LTBP2: variants seen among roughly 807,000 people sequenced by gnomAD.
The protein encoded by LTBP2 is latent-transforming growth factor beta-binding protein 2.
A neutral mutation model predicts 210.6 loss-of-function variants in LTBP2; 103 were observed. That is an observed-to-expected ratio of 0.49 (90% CI 0.42 to 0.58). The LOEUF (loss-of-function observed/expected upper bound fraction) is 0.58, where lower values mean the gene tolerates loss of function less well. Ranked by LOEUF, LTBP2 falls within the 20% of genes least tolerant of loss-of-function variation. LTBP2 has a pLI of 0.00. For synonymous variants in LTBP2, 1,007 were observed against 1,015.0 expected (o/e 0.99, Z 0.15); for missense variants, 2,313 against 2,494.5 (o/e 0.93, Z 1.55).
At chr14:74,560,229 A>T (rs756664610) in intron 3 of LTBP2, among the ~76,000 whole-genome samples, 1 of 152,256 alleles carries the variant, frequency 6.6e-6, no homozygotes, top group Non-Finnish European at 1.5e-5. Flanking sequence ...AAGACATTTC[A>T]GAGCCAAAAA....
intron 3 of LTBP2, among the ~76,000 whole-genome samples, chr14:74,585,315 C>T (rs1054061669): frequency 3.3e-5 from 5 of 152,200 alleles, no homozygotes; most frequent in African/African-American, 4.8e-5. Context: ...TCACAGGGAC[C>T]ACAGGCAGAG....
In LTBP2 at chr14:74,528,989, G is replaced by T. The variant is rs1164592797; in HGVS notation, c.2121C>A (p.Ser707Arg). The change falls in exon 11 of 36, where the codon AGC (serine) becomes AGA (arginine). Residue 707 changes from serine (S) to arginine (R), a missense_variant. By Grantham distance (110) the Ser-to-Arg change is moderately radical. Coordinates refer to ENST00000261978, the MANE Select transcript of LTBP2 (RefSeq NM_000428.3). Reference protein sequence around the residue: ...CCSRVGKAWGSECEKCPLPGT... With the variant: ...CCSRVGKAWGRECEKCPLPGT... ...CAGGCAGAGGGCATTTCTCACACTC[G>T]CTGCCCCATGCTTTGCCCACGCGGC... The T allele has an allele frequency of 6.2e-7, 1 of 1,609,538 alleles. No individual in the cohort carries two copies.
At chr14:74,580,525 A>G (rs1021172804) in intron 3 of LTBP2, among the ~76,000 whole-genome samples, 1 of 152,218 alleles carries the variant, frequency 6.6e-6, no homozygotes, top group Non-Finnish European at 1.5e-5. Flanking sequence ...CAGATATGCT[A>G]GCAGAGAGGC....
intron 3 of LTBP2, among the ~76,000 whole-genome samples, chr14:74,570,121 G>A (rs533841520): frequency 6.6e-6 from 1 of 152,216 alleles, no homozygotes; most frequent in African/African-American, 2.4e-5. Flanking sequence ...AGGAAGGGGA[G>A]GAGAGACACC....
intron 3 of LTBP2, among the ~76,000 whole-genome samples, chr14:74,584,712 C>T (rs957023049): frequency 3.3e-5 from 5 of 152,120 alleles, no homozygotes; most frequent in Admixed American, 6.5e-5. Context: ...CTGAGTCCAT[C>T]CTTTCTTTCT....
At position 74,505,102 on chromosome 14, in the gene LTBP2, T is replaced by C. The variant is rs137854863; in HGVS notation, c.4250A>G (p.Gln1417Arg). The change falls in exon 29 of 36, where the codon CAG (glutamine) becomes CGG (arginine). Residue 1417 changes from glutamine to arginine, a missense_variant. Physicochemically the swap from Gln to Arg is conservative, Grantham distance 43. Coordinates refer to ENST00000261978, the MANE Select transcript of LTBP2 (RefSeq NM_000428.3). ...ACTGGAGCAGGGCGCATGGCCCTTC[T>C]GCCCGGAGTAGCAGTCCATGCGGGT... ...APTRMDCYSG[Q>R]KGHAPCSSVL... The C allele has an allele frequency of 3.1e-5, 50 of 1,614,082 alleles. No individual in the cohort carries two copies. The South Asian group carries it at 3.5e-4, about 11-fold the overall frequency.
chr14:74,545,187 G>A (rs1239003413), intron 8 of LTBP2, among the ~76,000 whole-genome samples: 1 of 152,186 alleles, frequency 6.6e-6, no homozygotes, highest in Non-Finnish European at 1.5e-5. Context: ...TCAGCTGAGA[G>A]TCAGACATAC....
chr14:74,532,953 C>T (rs746490934), intron 9 of LTBP2, among the ~76,000 whole-genome samples: 41 of 152,336 alleles, frequency 2.7e-4, no homozygotes, highest in South Asian at 1.0e-3. Context: ...AATTCTCATG[C>T]CTCAGCCTCC....
chr14:74,552,533 G>A (rs1302533075), intron 5 of LTBP2, 140 bp from the exon 6 acceptor site: 1 of 780,642 alleles, frequency 1.3e-6, no homozygotes, highest in Non-Finnish European at 2.2e-6. Flanking sequence ...TGAAATGTAG[G>A]GACTTTCCAC....
At position 74,611,792 on chromosome 14, in the gene LTBP2, A is replaced by G; in HGVS notation, c.153T>C (p.Asn51=). ...AGCTGCCCCCAGGGCGCCGCAGTCG[A>G]TTCGCGTCTCCACCAGCCGGCTCGT... ...GRYEPAGGDA[N]RLRRPGGSYP... Residue 51 remains asparagine (N), a synonymous_variant, in exon 1 of 36, where the codon AAT becomes AAC. Transcript: ENST00000261978. The G allele has an allele frequency of 6.2e-7, 1 of 1,610,954 alleles. No individual in the cohort carries two copies. Among genetic ancestry groups the G allele is most frequent in the African/African-American group, 1.3e-5 (1 of 75,002 alleles).
chr14:74,506,571 T>C, intron 27 of LTBP2, 127 bp downstream of exon 27: 1 of 1,466,168 alleles, frequency 6.8e-7, no homozygotes, highest in Non-Finnish European at 9.4e-7. Flanking sequence ...CCCTCTTCTT[T>C]GAAGCCTCCC....
rs772174775 is a variant in LTBP2, at chr14:74,501,465, C to A, written c.5296G>T (p.Asp1766Tyr). The A allele has an allele frequency of 1.4e-5, 23 of 1,614,072 alleles. No individual in the cohort carries two copies. Among genetic ancestry groups the A allele is most frequent in the Non-Finnish European group, 1.9e-5 (23 of 1,180,042 alleles). Residue 1766 changes from aspartate (D) to tyrosine (Y), a missense_variant, in exon 35 of 36, where the codon GAT (aspartate) becomes TAT (tyrosine). By Grantham distance (160) the Asp-to-Tyr change is radical. Coordinates refer to ENST00000261978, the MANE Select transcript of LTBP2 (RefSeq NM_000428.3). ...CCTACGCAGGCCATGTGGGCCGCAT[C>A]CAGCTGGAAGCCCTCAAAACAGTCA... is the stretch of plus-strand genomic sequence containing the variant. The part of the protein sequence containing the change: ...TCDCFEGFQL[D>Y]AAHMACVDVN...
chr14:74,553,139 C>T, intron 4 of LTBP2, 77 bp from the exon 5 acceptor site: 2 of 1,414,150 alleles, frequency 1.4e-6, no homozygotes, highest in Non-Finnish European at 2.0e-6. Context: ...GTTAGAAAGC[C>T]CCATGGGACT....
chr14:74,579,803 C>T (rs1319114906), intron 3 of LTBP2, among the ~76,000 whole-genome samples: 1 of 152,222 alleles, frequency 6.6e-6, no homozygotes, highest in African/African-American at 2.4e-5. Flanking sequence ...CCTCTCTGAG[C>T]CTCTCCTCAC....
chr14:74,540,857 T>TTTATATATATTATATATATAA lies in LTBP2; in HGVS notation c.1790-4858_1790-4857insTTATATATATAATATATATAA, dbSNP rs2087494281. ...TATATATTTATATATATTATATATA[T>TTTATATATATTATATATATAA]TATATATATTTATATATATAATATA... On this transcript the variant is annotated intron_variant, in intron 8 of 35. Coordinates refer to ENST00000261978, the MANE Select transcript of LTBP2 (RefSeq NM_000428.3). Among the ~76,000 whole-genome samples, 51 of 73,684 alleles carry TTTATATATATTATATATATAA rather than the reference T, an allele frequency of 6.9e-4. 5 individuals are homozygous for TTTATATATATTATATATATAA. The highest frequency in any genetic ancestry group is 1.5e-3 in the South Asian group (4 of 2,664). The allele number at this position is 73,684 out of a possible 152,430, so 48.3% of individuals were successfully genotyped here. A position where few individuals can be genotyped will look rare whatever the true frequency, so the allele number is the denominator to read the frequency against.
rs369010057 is a variant in LTBP2, at chr14:74,522,866, G to A, written c.2583C>T (p.Cys861=). 2.5e-5 allele frequency: 41 copies of A among 1,612,746 alleles called. 1 individual carries two copies. The African/African-American group carries it at 3.1e-4, about 12-fold the overall frequency. ...GATNVCGPGT[C]VNLPDGYRCV... is the part of the protein sequence containing the mutation. ...ATCTGTATCCATCGGGGAGGTTCAC[G>A]CAGGTTCCAGGGCCACAGACGTTGG... Residue 861 remains cysteine, a synonymous_variant, in exon 16 of 36, where the codon TGC becomes TGT. Transcript: ENST00000261978.
At position 74,500,437 on chromosome 14, in the gene LTBP2, C is replaced by T; in HGVS notation, c.*447G>A. 1 of 364,352 alleles carries T rather than the reference C, an allele frequency of 2.7e-6. No homozygotes were observed. The highest frequency in any genetic ancestry group is 5.2e-6 in the Non-Finnish European group (1 of 193,346). 22.6% of individuals were successfully genotyped at this position (364,352 alleles called of 1,614,324 possible). A position where few individuals can be genotyped will look rare whatever the true frequency, so the allele number is the denominator to read the frequency against. ...CCAAGCTTCCCCAAATCCTTTCTTG[C>T]TCCACAGATTCTGAAGGACCTCCCT... On this transcript the variant is annotated 3_prime_UTR_variant, in exon 36 of 36. Coordinates refer to ENST00000261978, the MANE Select transcript of LTBP2 (RefSeq NM_000428.3).
intron 2 of LTBP2, among the ~76,000 whole-genome samples, chr14:74,591,270 G>C (rs1388713404): frequency 6.6e-6 from 1 of 152,226 alleles, no homozygotes; most frequent in Non-Finnish European, 1.5e-5. Flanking sequence ...CAGGGAATTA[G>C]GTCTTCAGTG....
intron 2 of LTBP2, among the ~76,000 whole-genome samples, chr14:74,601,825 G>GT (rs1033337596): frequency 3.9e-5 from 6 of 152,340 alleles, no homozygotes; most frequent in South Asian, 2.1e-4. Context: ...AACATCATAC[G>GT]TTTTTTCACA....
Sources: gnomAD v4.1 joint callset for allele counts (sites outside exome capture counted in the v4.1 genomes callset) on GRCh38, gnomAD v4.1.1 for gene constraint, MANE v1.5 for transcripts, NCBI Gene and HGNC (gene_info 2026-07-23, HGNC 2026-07-21) for gene names.